The following PLXNA1 variants were observed in gnomAD, a reference collection of about 807,000 sequenced individuals.
PLXNA1 encodes plexin A1, also known as plexin-A1.
In PLXNA1, 77 loss-of-function variants were observed where a neutral mutation model predicts 191.7. The observed-to-expected ratio is 0.40, with a 90% CI of 0.33 to 0.49. The LOEUF (loss-of-function observed/expected upper bound fraction) is 0.49, where lower values mean the gene tolerates loss of function less well. PLXNA1 is among the 20% of genes least tolerant of loss of function. The pLI, the probability that PLXNA1 is intolerant of heterozygous loss-of-function variation, is 0.63. For synonymous variants in PLXNA1, 1,137 were observed against 1,156.4 expected (o/e 0.98, Z 0.34); for missense variants, 2,110 against 2,660.2 (o/e 0.79, Z 4.55).
At position 127,030,295 on chromosome 3, in the gene PLXNA1, C is replaced by T; in HGVS notation, c.5114C>T (p.Ala1705Val). 2 of 1,613,894 alleles carry T rather than the reference C, an allele frequency of 1.2e-6. No homozygotes were observed. Among genetic ancestry groups the T allele is most frequent in the Non-Finnish European group, 1.7e-6 (2 of 1,180,016 alleles). ...DDLFETIFSTAHRGSALPLAI... is the reference protein window; with the variant it reads ...DDLFETIFSTVHRGSALPLAI... ...CTGTTTGAGACCATCTTCAGCACGGCACACCGGGGCTCAGCCCTGCCGCTG... is the reference window on the plus strand; with the variant it reads ...CTGTTTGAGACCATCTTCAGCACGGTACACCGGGGCTCAGCCCTGCCGCTG... The change falls in exon 29 of 32, where the codon GCA becomes GTA. Residue 1705 changes from alanine (A) to valine (V), a missense_variant. Transcript: ENST00000393409.
intron 9 of PLXNA1, among the ~76,000 whole-genome samples, chr3:127,009,606 C>T (rs926132842): frequency 3.5e-5 from 5 of 144,516 alleles, no homozygotes; most frequent in African/African-American, 5.0e-5. Context: ...GTGGGTTCCT[C>T]GGGCCACCCC....
chr3:127,029,386 G>A lies in PLXNA1; in HGVS notation c.4774-54G>A, dbSNP rs556138079. The A allele has an allele frequency of 8.4e-6, 13 of 1,548,376 alleles. No homozygotes were observed. In the African/African-American group the frequency reaches 1.8e-4, roughly 21 times the overall value. ...GTCCCCAGCCGGGGAGTGGGAGCCT[G>A]GTGGTGCAGGGGCACCCTGGTGGGT... is the stretch of plus-strand genomic sequence containing the variant. On this transcript the variant is annotated intron_variant, in intron 26 of 31. Transcript: ENST00000393409.
chr3:127,017,839 G>A lies in PLXNA1; in HGVS notation c.3607G>A (p.Glu1203Lys). The stretch of plus-strand genomic sequence containing the variant: ...CACACCCTGTACCCTCACCGTGTCG[G>A]AGACGCAACTGCTGTGCGAGGCGCC... ...GSTPCTLTVS[E>K]TQLLCEAPNL... is the part of the protein sequence containing the mutation. The change falls in exon 19 of 32, where the codon GAG (glutamate) becomes AAG (lysine). Residue 1203 changes from glutamate (E) to lysine (K), a missense_variant. Around this residue, in one of 4 missense-constraint regions of PLXNA1, gnomAD observed 644 missense variants for 714.3 expected, o/e 0.90. Coordinates refer to ENST00000393409, the MANE Select transcript of PLXNA1 (RefSeq NM_032242.4). The A allele has an allele frequency of 1.2e-6, 2 of 1,612,884 alleles. No homozygotes were observed. Among genetic ancestry groups the A allele is most frequent in the South Asian group, 2.2e-5 (2 of 91,058 alleles).
chr3:127,018,280 C>T lies in PLXNA1; in HGVS notation c.3661-14C>T, dbSNP rs1421842450. 1 of 1,580,460 alleles carries T rather than the reference C, an allele frequency of 6.3e-7. No individual in the cohort carries two copies. Among genetic ancestry groups the T allele is most frequent in the East Asian group, 2.3e-5 (1 of 43,176 alleles). On this transcript the variant is annotated splice_polypyrimidine_tract_variant and intron_variant, in intron 19 of 31. Coordinates refer to ENST00000393409, the MANE Select transcript of PLXNA1 (RefSeq NM_032242.4). The stretch of plus-strand genomic sequence containing the variant: ...AGCATGGGAAGCTCCTGAGTGGCCT[C>T]CACCCACTGGCAGGTGCGGGCAGGT...
chr3:127,018,177 T>C, intron 19 of PLXNA1, 117 bp from the exon 20 acceptor site: 1 of 1,008,154 alleles, frequency 9.9e-7, no homozygotes, highest in African/African-American at 1.6e-5. Flanking sequence ...TCTGTGCCCC[T>C]GTCGGTGGGA....
intron 3 of PLXNA1, among the ~76,000 whole-genome samples, chr3:126,993,847 C>T (rs1201477867): frequency 6.6e-6 from 1 of 152,254 alleles, no homozygotes; most frequent in Non-Finnish European, 1.5e-5. Context: ...TACTCTTTCA[C>T]CCAAATCCAC....
At chr3:127,004,842 G>A (rs770500148) in intron 5 of PLXNA1, 43 bp from the exon 6 acceptor site, 30 of 1,566,160 alleles carry the variant, frequency 1.9e-5, no homozygotes, top group African/African-American at 1.2e-4. Flanking sequence ...GGCGGGCCCC[G>A]TAGGTCTCCC....
chr3:127,027,673 T>C (rs2079182992), intron 23 of PLXNA1: 1 of 615,810 alleles, frequency 1.6e-6, no homozygotes, highest in African/African-American at 1.8e-5. Flanking sequence ...GCCATGTTCC[T>C]CGATACACTA....
rs566479251 is a variant in PLXNA1, at chr3:127,014,231, C to T, written c.2460C>T (p.Leu820=). 1.0e-5 allele frequency: 16 copies of T among 1,606,526 alleles called. No homozygotes were observed. The East Asian group carries it at 3.1e-4, about 32-fold the overall frequency. ...TGCGCGAGAGCTGCGGCCTCTGCCTCAAGGCCGACCCGCGCTTCGAGTGCG... is the reference window on the plus strand; with the variant it reads ...TGCGCGAGAGCTGCGGCCTCTGCCTTAAGGCCGACCCGCGCTTCGAGTGCG... ...PALRESCGLC[L]KADPRFECGW... The change falls in exon 12 of 32, where the codon CTC becomes CTT. Residue 820 remains leucine (L), a synonymous_variant. Transcript: ENST00000393409.
Position 127,036,741 on chromosome 3 carries a change from G to A in PLXNA1, c.*2724G>A, listed in dbSNP as rs1448077589. 6.6e-6 allele frequency: 1 copy of A among 152,234 alleles called. No homozygotes were observed. Among genetic ancestry groups the A allele is most frequent in the African/African-American group, 2.4e-5 (1 of 41,458 alleles). 9.4% of individuals were successfully genotyped at this position (152,234 alleles called of 1,614,324 possible). On this transcript the variant is annotated 3_prime_UTR_variant, in exon 32 of 32. Transcript: ENST00000393409. ...CTCCCATGGGCCCTGTGTCTGCAGG[G>A]AGCCAGGGCTGCGGCACATGTGCTG...
rs1439001154 is a variant in PLXNA1 at position 127,016,653 on chromosome 3, C to T, written c.3151C>T (p.Leu1051=). The T allele has an allele frequency of 6.2e-7, 1 of 1,614,024 alleles. No homozygotes were observed. The highest frequency in any genetic ancestry group is 2.2e-5 in the East Asian group (1 of 44,864). Residue 1051 remains leucine (L), a synonymous_variant, in exon 16 of 32, where the codon CTG becomes TTG. Transcript: ENST00000393409. The part of the protein sequence containing the change: ...KYNYTEDPTI[L]RIDPEWSINS... ...CAACTACACCGAGGACCCCACCATC[C>T]TGAGGATCGACCCCGAGTGGAGCAT... is the stretch of plus-strand genomic sequence containing the variant.
chr3:126,990,883 T>C (rs1217246608), intron 2 of PLXNA1, among the ~76,000 whole-genome samples: 1 of 152,180 alleles, frequency 6.6e-6, no homozygotes, highest in Non-Finnish European at 1.5e-5. Context: ...ACTCTCTCTT[T>C]GTGCCCTGCC....
At chr3:127,013,950 T>C (rs1216464142) in intron 10 of PLXNA1, 70 bp from the exon 11 acceptor site, 3 of 1,402,990 alleles carry the variant, frequency 2.1e-6, no homozygotes, top group African/African-American at 2.8e-5. Context: ...CTGGTGGCTT[T>C]GTGGGCGTGA....
rs750054923 is a variant in PLXNA1 at position 127,014,071 on chromosome 3, G to A, written c.2365G>A (p.Val789Met). The A allele has an allele frequency of 2.7e-5, 43 of 1,613,910 alleles. No homozygotes were observed. Among genetic ancestry groups the A allele is most frequent in the Middle Eastern group, 3.3e-4 (2 of 6,082 alleles). The change falls in exon 11 of 32, where the codon GTG becomes ATG. Residue 789 changes from valine (V) to methionine (M), a missense_variant. Val to Met is a conservative substitution (Grantham distance 21). This residue lies in a region of PLXNA1 where 644 missense variants were observed against 714.3 expected (regional missense o/e 0.90). Transcript: ENST00000393409. ...VSDLPVNLSV[V>M]WNGNFVIDNP... ...CGACCTGCCAGTGAACCTGTCAGTC[G>A]TGTGGAACGGCAACTTTGTCATTGA...
chr3:127,009,998 G>C (rs951814865), intron 9 of PLXNA1, among the ~76,000 whole-genome samples: 5 of 152,222 alleles, frequency 3.3e-5, no homozygotes, highest in Non-Finnish European at 5.9e-5. Context: ...TGCATGCCCC[G>C]CCAGTCAGCT....
At chr3:127,033,609 C>T (rs1458801674) in intron 31 of PLXNA1, among the ~76,000 whole-genome samples, 1 of 152,098 alleles carries the variant, frequency 6.6e-6, no homozygotes, top group Non-Finnish European at 1.5e-5. Context: ...CTGAGGCTCT[C>T]TGGGGAGCTC....
In PLXNA1 at chr3:127,035,296, TAACTG is replaced by T. The variant is rs984211863; in HGVS notation, c.*1282_*1286del. 1.3e-5 allele frequency: 2 copies of T among 152,184 alleles called. No individual in the cohort carries two copies. Among genetic ancestry groups the T allele is most frequent in the African/African-American group, 4.8e-5 (2 of 41,448 alleles). The allele number at this position is 152,184 out of a possible 1,614,324, so 9.4% of individuals were successfully genotyped here. ...CAGCCCCAGTGGGGTACTGTACAGT[TAACTG>T]AAGAAGAATTTTAAAGACGATTTGA... On this transcript the variant is annotated 3_prime_UTR_variant, in exon 32 of 32. Coordinates refer to ENST00000393409, the MANE Select transcript of PLXNA1 (RefSeq NM_032242.4).
chr3:127,001,244 G>C (rs1290375216), intron 3 of PLXNA1, among the ~76,000 whole-genome samples: 1 of 152,190 alleles, frequency 6.6e-6, no homozygotes, highest in Non-Finnish European at 1.5e-5. Flanking sequence ...TTCACCCCTT[G>C]GTGTGACATT....
rs143510147 is a variant in PLXNA1, at chr3:127,023,939, G to A, written c.4362+1121G>A. On this transcript the variant is annotated intron_variant, in intron 23 of 31. Transcript: ENST00000393409. Reference sequence around the variant, plus strand: ...GGGCTGGGCTTGTCTGTCCTGGGTCGTCTCTGGAGGTGGGACATTTATGTG... The same window carrying A: ...GGGCTGGGCTTGTCTGTCCTGGGTCATCTCTGGAGGTGGGACATTTATGTG... Among the ~76,000 whole-genome samples the A allele has an allele frequency of 6.4e-4, 97 of 152,220 alleles. No individual in the cohort carries two copies. The East Asian group carries it at 0.017, about 27-fold the overall frequency.
Sources: gnomAD v4.1 joint callset for allele counts (sites outside exome capture counted in the v4.1 genomes callset) on GRCh38, gnomAD v4.1.1 for gene constraint, gnomAD v4.1.1 regional missense constraint, MANE v1.5 for transcripts, NCBI Gene and HGNC (gene_info 2026-07-23, HGNC 2026-07-21) for gene names.